GANAB: variants seen among roughly 807,000 people sequenced by gnomAD.
GANAB encodes the protein neutral alpha-glucosidase AB.
In GANAB, 35 loss-of-function variants were observed where a neutral mutation model predicts 129.9. The ratio of observed to expected loss-of-function variants is 0.27; its 90% CI spans 0.21 to 0.36. The LOEUF is 0.36. Among genes scored for constraint, GANAB ranks in the 10% least tolerant of loss-of-function variants. GANAB has a pLI of 1.00. For missense variants in GANAB, 939 were observed against 1,221.0 expected (o/e 0.77, Z 3.44); for synonymous variants, 482 against 451.8 (o/e 1.07, Z -0.85).
At chr11:62,644,736 T>A (rs1179202819) in intron 1 of GANAB, among the ~76,000 whole-genome samples, 1 of 151,992 alleles carries the variant, frequency 6.6e-6, no homozygotes, top group African/African-American at 2.4e-5. Context: ...GGCAGGAGAA[T>A]CGCTTGAACT....
intron 20 of GANAB, 48 bp from the exon 21 acceptor site, chr11:62,626,732 T>C: frequency 7.2e-7 from 1 of 1,396,596 alleles, no homozygotes. Context: ...TGTCCAACCT[T>C]GGGCCCCACA....
intron 1 of GANAB, among the ~76,000 whole-genome samples, chr11:62,645,537 CA>C (rs11322640): frequency 0.92 from 120,054 of 129,790 alleles, 55,805 homozygotes; most frequent in East Asian, 0.99. Flanking sequence ...CTCTGTCTCT[CA>C]AAAAAAAAAA....
At chr11:62,639,827 A>C (rs945973657) in intron 1 of GANAB, 96 bp from the exon 2 acceptor site, 51 of 746,598 alleles carry the variant, frequency 6.8e-5, no homozygotes, top group Non-Finnish European at 1.2e-4. Flanking sequence ...GCACTAGAAG[A>C]TAGTTGAGGA....
chr11:62,626,469 T>G (rs1943380384), intron 21 of GANAB, 22 bp from the exon 22 acceptor site: 1 of 1,555,114 alleles, frequency 6.4e-7, no homozygotes. Flanking sequence ...GTGGGATAGG[T>G]GAGCGCCTGA....
Position 62,626,761 on chromosome 11 carries a change from T to A in GANAB, c.2398-77A>T, listed in dbSNP as rs554205502. On this transcript the variant is annotated intron_variant, in intron 20 of 23. Transcript: ENST00000356638. Reference sequence around the variant, plus strand: ...CCCCACAGCATGTTTTGCTTACTCATGTATGCCCACATAGGTACTGGACCC... The same window carrying A: ...CCCCACAGCATGTTTTGCTTACTCAAGTATGCCCACATAGGTACTGGACCC... 15 of 1,306,112 alleles carry A rather than the reference T, an allele frequency of 1.1e-5. No homozygotes were observed. The African/African-American group carries it at 1.6e-4, about 14-fold the overall frequency. The allele number at this position is 1,306,112 out of a possible 1,614,324, so 80.9% of individuals were successfully genotyped here.
rs368174302 is a variant in GANAB, at chr11:62,631,136, G to C, written c.1044C>G (p.Thr348=). ...MMDYLQGSGE[T]PQTDVRWMSE... ...ACATCCAGCGAACATCTGTCTGTGG[G>C]GTCTCCCCAGAGCCCTGCAGGTAGT... Residue 348 remains threonine, a synonymous_variant, in exon 10 of 24, where the codon ACC becomes ACG. Transcript: ENST00000356638. 5 of 1,610,292 alleles carry C rather than the reference G, an allele frequency of 3.1e-6. No homozygotes were observed. In the African/African-American group the frequency reaches 6.7e-5, roughly 22 times the overall value.
At position 62,625,838 on chromosome 11, in the gene GANAB, C is replaced by T; in HGVS notation, c.2812G>A (p.Asp938Asn). ...LRKPGINVAS[D>N]WSIHLR Reference sequence around the variant, plus strand: ...GGTTATCGCAGGTGAATACTCCAATCAGATGCCACATTGATGCCAGGCTTG... The same window carrying T: ...GGTTATCGCAGGTGAATACTCCAATTAGATGCCACATTGATGCCAGGCTTG... The change falls in exon 24 of 24, where the codon GAT (aspartate) becomes AAT (asparagine). Residue 938 changes from aspartate (D) to asparagine (N), a missense_variant. Physicochemically the swap from Asp to Asn is conservative, Grantham distance 23. Transcript: ENST00000356638. 6.2e-7 allele frequency: 1 copy of T among 1,610,840 alleles called. No individual in the cohort carries two copies. Among genetic ancestry groups the T allele is most frequent in the East Asian group, 2.2e-5 (1 of 44,864 alleles).
rs1382665349 is a variant in GANAB, at chr11:62,625,320, G to A, written c.*495C>T. 3 of 454,820 alleles carry A rather than the reference G, an allele frequency of 6.6e-6. No individual in the cohort carries two copies. Among genetic ancestry groups the A allele is most frequent in the Non-Finnish European group, 1.3e-5 (3 of 226,468 alleles). 28.2% of individuals were successfully genotyped at this position (454,820 alleles called of 1,614,324 possible). ...GGTAAGGGGTGGTCCCAGTGTATCG[G>A]TGGGGCATAAAAAGGGGAGTAAAGC... On this transcript the variant is annotated 3_prime_UTR_variant, in exon 24 of 24. Coordinates refer to ENST00000356638, the MANE Select transcript of GANAB (RefSeq NM_198334.3).
At position 62,632,548 on chromosome 11, in the gene GANAB, C is replaced by G. The variant is rs550110915; in HGVS notation, c.996+17G>C. The G allele has an allele frequency of 5.7e-5, 91 of 1,603,206 alleles. No individual in the cohort carries two copies. Among genetic ancestry groups the G allele is most frequent in the South Asian group, 2.6e-4 (24 of 90,666 alleles). On this transcript the variant is annotated intron_variant, in intron 9 of 23. Coordinates refer to ENST00000356638, the MANE Select transcript of GANAB (RefSeq NM_198334.3). ...GAAGCTTCACTCCCTCCTTTTTCCC[C>G]GTGCCTGTGCTCTCACCTTCCCGGC... is the stretch of plus-strand genomic sequence containing the variant.
At chr11:62,631,240 C>G in intron 9 of GANAB, 57 bp from the exon 10 acceptor site, 2 of 1,470,800 alleles carry the variant, frequency 1.4e-6, no homozygotes, top group Non-Finnish European at 1.8e-6. Flanking sequence ...TTTCCAACCC[C>G]AAGACAAAAA....
chr11:62,630,610 C>G lies in GANAB; in HGVS notation c.1377G>C (p.Lys459Asn). The G allele has an allele frequency of 6.2e-7, 1 of 1,612,022 alleles. No homozygotes were observed. Among genetic ancestry groups the G allele is most frequent in the Non-Finnish European group, 8.5e-7 (1 of 1,178,250 alleles). ...GACTGCAACCCCTTACCTTCCGCCT[C>G]TTAGAAGCCAAGCGCTCAAGCATGG... ...PRTMLERLASKRRKLVAIVDP... is the reference protein window; with the variant it reads ...PRTMLERLASNRRKLVAIVDP... The change falls in exon 11 of 24, where the codon AAG (lysine) becomes AAC (asparagine). Residue 459 changes from lysine (K) to asparagine (N), a missense_variant. Lys to Asn is a moderately conservative substitution (Grantham distance 94, BLOSUM62 0). This residue lies in a region of GANAB where 220 missense variants were observed against 295.9 expected (regional missense o/e 0.74). Transcript: ENST00000356638.
At chr11:62,635,657 G>A (rs1322965780) in intron 4 of GANAB, among the ~76,000 whole-genome samples, 6 of 145,192 alleles carry the variant, frequency 4.1e-5, no homozygotes, top group African/African-American at 1.3e-4. Context: ...ATGGAGTCTC[G>A]CTCTGTTGCC....
At chr11:62,634,264 G>T (rs1943833282) in intron 5 of GANAB, 2 of 1,299,676 alleles carry the variant, frequency 1.5e-6, no homozygotes, top group Non-Finnish European at 2.2e-6. Flanking sequence ...GTGAGGAATG[G>T]GTAAGGGCAG....
At position 62,625,528 on chromosome 11, in the gene GANAB, T is replaced by G. The variant is rs1238467909; in HGVS notation, c.*287A>C. On this transcript the variant is annotated 3_prime_UTR_variant, in exon 24 of 24. Transcript: ENST00000356638. ...GAAAGAGAAGGGGCGACAAGGGCCC[T>G]GTGGTTTCCTGGTGTTCGTAAGTGA... is the stretch of plus-strand genomic sequence containing the variant. 2.1e-6 allele frequency: 1 copy of G among 471,682 alleles called. No homozygotes were observed. Among genetic ancestry groups the G allele is most frequent in the East Asian group, 4.1e-5 (1 of 24,268 alleles). The allele number at this position is 471,682 out of a possible 1,614,324, so 29.2% of individuals were successfully genotyped here. A position where few individuals can be genotyped will look rare whatever the true frequency, so the allele number is the denominator to read the frequency against.
In GANAB at chr11:62,626,647, C is replaced by G; in HGVS notation, c.2435G>C (p.Arg812Pro). 1 of 1,610,952 alleles carries G rather than the reference C, an allele frequency of 6.2e-7. No homozygotes were observed. Among genetic ancestry groups the G allele is most frequent in the Non-Finnish European group, 8.5e-7 (1 of 1,178,300 alleles). ...VFQRGGTIVP[R>P]WMRVRRSSEC... ...TGAAGACCGCCGCACTCGCATCCAT[C>G]GAGGCACGATTGTCCCTCCACGCTG... Residue 812 changes from arginine (R) to proline (P), a missense_variant, in exon 21 of 24, where the codon CGA becomes CCA. Around this residue, in one of 5 missense-constraint regions of GANAB, gnomAD observed 230 missense variants for 259.9 expected, o/e 0.89. Coordinates refer to ENST00000356638, the MANE Select transcript of GANAB (RefSeq NM_198334.3).
intron 4 of GANAB, among the ~76,000 whole-genome samples, chr11:62,637,249 A>G (rs1258738988): frequency 6.6e-6 from 1 of 152,202 alleles, no homozygotes; most frequent in South Asian, 2.1e-4. Flanking sequence ...TATCACTATC[A>G]ATTCACTAGG....
At position 62,630,193 on chromosome 11, in the gene GANAB, C is replaced by T; in HGVS notation, c.1593+4G>A. ...CGCAGGTCATGGGGAGAGGCCTTCC[C>T]TACCTCATAATTGTCATAGCTGAAC... On this transcript the variant is annotated splice_donor_region_variant and intron_variant, in intron 13 of 23. Coordinates refer to ENST00000356638, the MANE Select transcript of GANAB (RefSeq NM_198334.3). 6.2e-7 allele frequency: 1 copy of T among 1,604,806 alleles called. No homozygotes were observed.
chr11:62,631,166 C>T lies in GANAB; in HGVS notation c.1014G>A (p.Met338Ile). The change falls in exon 10 of 24, where the codon ATG (methionine) becomes ATA (isoleucine). Residue 338 changes from methionine to isoleucine, a missense_variant. Physicochemically the swap from Met to Ile is conservative, Grantham distance 10. Around this residue, in one of 5 missense-constraint regions of GANAB, gnomAD observed 220 missense variants for 295.9 expected, o/e 0.74. Coordinates refer to ENST00000356638, the MANE Select transcript of GANAB (RefSeq NM_198334.3). ...NTAGKTLFGK[M>I]MDYLQGSGET... ...CCCCAGAGCCCTGCAGGTAGTCCAT[C>T]ATCTTCCCAAACAGGGTCTGTATAG... The T allele has an allele frequency of 6.3e-7, 1 of 1,592,916 alleles. No individual in the cohort carries two copies. Among genetic ancestry groups the T allele is most frequent in the Non-Finnish European group, 8.6e-7 (1 of 1,162,576 alleles).
chr11:62,630,084 G>A, intron 13 of GANAB, 113 bp downstream of exon 13: 1 of 1,293,316 alleles, frequency 7.7e-7, no homozygotes, highest in South Asian at 1.2e-5. Flanking sequence ...GGATCATCAA[G>A]GCCCCCTGAT....
Sources: gnomAD v4.1 joint callset for allele counts (sites outside exome capture counted in the v4.1 genomes callset) on GRCh38, gnomAD v4.1.1 for gene constraint, gnomAD v4.1.1 regional missense constraint, MANE v1.5 for transcripts, NCBI Gene and HGNC (gene_info 2026-07-23, HGNC 2026-07-21) for gene names.